CLTRN: variants seen among roughly 807,000 people sequenced by gnomAD.
CLTRN encodes the protein collectrin, amino acid transport regulator.
In CLTRN, 12 loss-of-function variants were observed where a neutral mutation model predicts 14.5. The ratio of observed to expected loss-of-function variants is 0.83; its 90% CI spans 0.53 to 1.34. The LOEUF (loss-of-function observed/expected upper bound fraction) is 1.34, where lower values mean the gene tolerates loss of function less well. CLTRN is among the 40% of genes most tolerant of loss of function. CLTRN has a pLI of 0.00. For missense variants in CLTRN, 154 were observed against 165.1 expected, an observed-to-expected ratio of 0.93 and a Z score of 0.37; for synonymous variants, 58 against 56.5, an observed-to-expected ratio of 1.03 and a Z score of -0.12.
upstream of CLTRN, among the ~76,000 whole-genome samples, chrX:15,668,625 G>A (rs930832492): frequency 1.8e-5 from 2 of 111,531 alleles, no homozygotes; most frequent in Non-Finnish European, 3.8e-5. Context: ...CTTTTCAAGT[G>A]CTGATTCTTG....
intron 5 of CLTRN, among the ~76,000 whole-genome samples, chrX:15,633,326 C>T (rs1482314963): frequency 8.9e-6 from 1 of 111,983 alleles, no homozygotes; most frequent in Non-Finnish European, 1.9e-5. Context: ...TTTTCAAATC[C>T]ATCGTTTTAA....
chrX:15,669,529 G>C (rs942124002), upstream of CLTRN, among the ~76,000 whole-genome samples: 1 of 112,142 alleles, frequency 8.9e-6, no homozygotes, highest in Non-Finnish European at 1.9e-5. Context: ...TGATTTCTCC[G>C]TGTTTTTTAT....
chrX:15,646,801 C>G (rs745327779), intron 3 of CLTRN: 82 of 331,747 alleles, frequency 2.5e-4, no homozygotes, highest in African/African-American at 1.5e-3. Flanking sequence ...GCCACCCCCC[C>G]ACCAGCCTGT....
At chrX:15,675,266 T>C (rs888078449), upstream of CLTRN, among the ~76,000 whole-genome samples, 1 of 110,004 alleles carries the variant, frequency 9.1e-6, no homozygotes, top group East Asian at 2.9e-4. Flanking sequence ...GGAGGTGGGG[T>C]AGGCAGACTA....
At position 15,664,743 on chromosome X, in the gene CLTRN, G is replaced by A; in HGVS notation, c.33C>T (p.Ala11=). ...CTGGTTGACAGAGTTCAGCATGAAT[G>A]GCAGTCACCAGAAAAAAGAGCAGCC... MLWLLFFLVT[A]IHAELCQPGA... The change falls in exon 1 of 6, where the codon GCC becomes GCT. Residue 11 remains alanine (A), a synonymous_variant. Coordinates refer to ENST00000380342, the MANE Select transcript of CLTRN (RefSeq NM_020665.6). 1 of 1,209,836 alleles carries A rather than the reference G, an allele frequency of 8.3e-7. No homozygotes were observed. Among genetic ancestry groups the A allele is most frequent in the East Asian group, 3.0e-5 (1 of 33,822 alleles).
chrX:15,656,925 T>C (rs1291435202), intron 3 of CLTRN, among the ~76,000 whole-genome samples: 1 of 111,446 alleles, frequency 9.0e-6, no homozygotes, highest in Admixed American at 9.6e-5. Flanking sequence ...TCTACTTTTC[T>C]TGAAGGTGCC....
At chrX:15,632,473 G>C (rs144239059) in intron 5 of CLTRN, among the ~76,000 whole-genome samples, 3,273 of 111,232 alleles carry the variant, frequency 0.029, 122 homozygotes, top group African/African-American at 0.1. Context: ...AGCTACTCGG[G>C]AGGCTGAGGC....
intron 3 of CLTRN, chrX:15,646,107 T>G (rs1929059299): frequency 7.6e-6 from 1 of 131,264 alleles, no homozygotes. Flanking sequence ...TCTGGGACCA[T>G]GAGTGGGAAG....
At position 15,645,014 on chromosome X, in the gene CLTRN, T is replaced by C. The variant is rs759970785; in HGVS notation, c.219A>G (p.Leu73=). 3.4e-6 allele frequency: 4 copies of C among 1,192,231 alleles called. No homozygotes were observed. The highest frequency in any genetic ancestry group is 2.3e-4 in the Middle Eastern group (1 of 4,279). The change falls in exon 4 of 6, where the codon CTA becomes CTG. Residue 73 remains leucine, a synonymous_variant. Coordinates refer to ENST00000380342, the MANE Select transcript of CLTRN (RefSeq NM_020665.6). ...ATACCCTCTGGGTTACATTGCAAAG[T>C]AGGACATGGGAAATTCTGCAGACAG... ...NREATEISHV[L]LCNVTQRVSF...
At chrX:15,673,287 C>G (rs1310672459) in intron 1 of CLTRN, among the ~76,000 whole-genome samples, 1 of 112,453 alleles carries the variant, frequency 8.9e-6, no homozygotes, top group Non-Finnish European at 1.9e-5. Flanking sequence ...CTCTTGCCCA[C>G]CTTCAAAAAC....
At chrX:15,652,443 C>T (rs1283572253) in intron 3 of CLTRN, among the ~76,000 whole-genome samples, 1 of 105,204 alleles carries the variant, frequency 9.5e-6, no homozygotes, top group African/African-American at 3.5e-5. Flanking sequence ...GTCAAAGAGG[C>T]CAAAAAAATA....
intron 5 of CLTRN, 97 bp from the exon 6 acceptor site, chrX:15,628,224 T>C (rs1956848477): frequency 1.8e-6 from 1 of 561,688 alleles, no homozygotes; most frequent in Non-Finnish European, 2.5e-6. Flanking sequence ...GGAAGGGGAA[T>C]AGGAACCTTA....
intron 5 of CLTRN, among the ~76,000 whole-genome samples, chrX:15,638,605 A>G (rs1928869752): frequency 8.9e-6 from 1 of 111,831 alleles, no homozygotes; most frequent in African/African-American, 3.3e-5. Flanking sequence ...TTAGTATCAG[A>G]AAGGAAGGTT....
intron 2 of CLTRN, among the ~76,000 whole-genome samples, chrX:15,661,609 T>C (rs1432254320): frequency 8.9e-6 from 1 of 112,545 alleles, no homozygotes; most frequent in Non-Finnish European, 1.9e-5. Context: ...TGAGAAAATG[T>C]ACAACTTAAG....
intron 5 of CLTRN, among the ~76,000 whole-genome samples, chrX:15,637,483 C>T (rs1188638208): frequency 1.8e-5 from 2 of 112,064 alleles, no homozygotes; most frequent in African/African-American, 3.2e-5. Context: ...GATGCTCTCC[C>T]GGTTTACACA....
At chrX:15,655,741 C>G (rs554014979) in intron 3 of CLTRN, among the ~76,000 whole-genome samples, 4 of 111,866 alleles carry the variant, frequency 3.6e-5, no homozygotes, top group South Asian at 3.8e-4. Context: ...ATCATATTCT[C>G]TAGAGCTCCA....
At chrX:15,659,712 G>C (rs1157377743) in intron 2 of CLTRN, among the ~76,000 whole-genome samples, 1 of 111,001 alleles carries the variant, frequency 9.0e-6, no homozygotes, top group African/African-American at 3.3e-5. Flanking sequence ...AGGAAATCTG[G>C]ACACAGAGGG....
At chrX:15,670,342 CACACACACAA>C (rs1405548293) in intron 1 of CLTRN, among the ~76,000 whole-genome samples, 1 of 109,382 alleles carries the variant, frequency 9.1e-6, no homozygotes, top group East Asian at 2.9e-4. Context: ...CACACACACA[CACACACACAA>C]ACCCCTTTGG....
chrX:15,643,159 C>T (rs1928982061), intron 4 of CLTRN, among the ~76,000 whole-genome samples: 1 of 112,033 alleles, frequency 8.9e-6, no homozygotes, highest in African/African-American at 3.2e-5. Flanking sequence ...TGCATAAGAA[C>T]ATTCCTTGTG....
Sources: allele counts gnomAD v4.1 joint callset (sites outside exome capture counted in the v4.1 genomes callset), GRCh38; gene constraint gnomAD v4.1.1; transcripts MANE v1.5; gene names NCBI Gene and HGNC (gene_info 2026-07-23, HGNC 2026-07-21).